The following ESYT3 variants were observed in gnomAD, a reference collection of about 807,000 sequenced individuals.
ESYT3 encodes the protein extended synaptotagmin-3.
ESYT3 carries 101 observed loss-of-function variants against 111.5 expected under a neutral mutation model. The observed-to-expected ratio is 0.91, with a 90% CI of 0.77 to 1.07. ESYT3 has a LOEUF of 1.07. Among genes scored for constraint, ESYT3 ranks in the 50% least tolerant of loss-of-function variants. The pLI, the probability that ESYT3 is intolerant of heterozygous loss-of-function variation, is 0.00. For missense variants in ESYT3, 1,097 were observed against 1,109.4 expected, an observed-to-expected ratio of 0.99 and a Z score of 0.16; for synonymous variants, 416 against 446.8, an observed-to-expected ratio of 0.93 and a Z score of 0.87.
intron 3 of ESYT3, among the ~76,000 whole-genome samples, chr3:138,456,177 T>A (rs2032266800): frequency 6.6e-6 from 1 of 152,252 alleles, no homozygotes; most frequent in Non-Finnish European, 1.5e-5. Context: ...TGTGCCAGCA[T>A]CTGTTGGTTC....
At chr3:138,470,574 G>A in intron 16 of ESYT3, 1 of 1,170,870 alleles carries the variant, frequency 8.5e-7, no homozygotes, top group Non-Finnish European at 1.1e-6. Context: ...GGATCTTTTA[G>A]GGCCCTGAGC....
downstream of ESYT3, chr3:138,479,981 G>A (rs1228167910): frequency 6.6e-6 from 1 of 152,156 alleles, no homozygotes; most frequent in Non-Finnish European, 1.5e-5. Context: ...TGTCTCCTAA[G>A]TATGTATTCA....
At chr3:138,459,326 A>G (rs1576447180) in intron 5 of ESYT3, 73 bp downstream of exon 5, 3 of 1,297,568 alleles carry the variant, frequency 2.3e-6, no homozygotes, top group East Asian at 2.5e-5. Context: ...AAGCCAGGTC[A>G]TGCCAGAGTA....
Position 138,472,746 on chromosome 3 carries a change from A to G in ESYT3, c.2124A>G (p.Lys708=). The stretch of plus-strand genomic sequence containing the variant: ...CCATCAAGTCACCCAGACCCATGAA[A>G]TGCCCTGCCTCCCCATTCGCATGGC... The part of the protein sequence containing the change: ...PGPIKSPRPM[K]CPASPFAWPP... The change falls in exon 18 of 23, where the codon AAA becomes AAG. Residue 708 remains lysine, a synonymous_variant. Transcript: ENST00000389567. 2 of 1,614,164 alleles carry G rather than the reference A, an allele frequency of 1.2e-6. No homozygotes were observed. The highest frequency in any genetic ancestry group is 2.2e-5 in the South Asian group (2 of 91,084).
chr3:138,459,247 G>T lies in ESYT3; in HGVS notation c.642G>T (p.Gly214=). The T allele has an allele frequency of 6.4e-7, 1 of 1,557,690 alleles. No homozygotes were observed. The highest frequency in any genetic ancestry group is 2.4e-5 in the East Asian group (1 of 42,278). The stretch of plus-strand genomic sequence containing the variant: ...AGAAGATTCAGGCTGGTGTGAACGG[G>T]ATCCAGGTGGGTGGAGCCCGGTGGG... The part of the protein sequence containing the change: ...ELQKIQAGVN[G]IQLQGTLRVI... Residue 214 remains glycine (G), a synonymous_variant, in exon 5 of 23, where the codon GGG becomes GGT. Transcript: ENST00000389567.
chr3:138,463,245 C>T (rs898417425), intron 8 of ESYT3, among the ~76,000 whole-genome samples: 2 of 152,134 alleles, frequency 1.3e-5, no homozygotes, highest in African/African-American at 4.8e-5. Context: ...CAGGGGCACA[C>T]CACCAAGCCT....
At position 138,447,241 on chromosome 3, in the gene ESYT3, A is replaced by G. The variant is rs16848129; in HGVS notation, c.328-4807A>G. Among the ~76,000 whole-genome samples, 849 of 152,334 alleles carry G rather than the reference A, an allele frequency of 5.6e-3. 8 individuals carry two copies. Among genetic ancestry groups the G allele is most frequent in the African/African-American group, 0.019 (809 of 41,570 alleles). On this transcript the variant is annotated intron_variant, in intron 1 of 22. Coordinates refer to ENST00000389567, the MANE Select transcript of ESYT3 (RefSeq NM_031913.5). ...GACATGATTAATAACCTGATCACACATGGAATAGTCATGGAAATTAATCAT... is the reference window on the plus strand; with the variant it reads ...GACATGATTAATAACCTGATCACACGTGGAATAGTCATGGAAATTAATCAT...
At chr3:138,438,836 G>C (rs1014864319) in intron 1 of ESYT3, among the ~76,000 whole-genome samples, 41 of 152,252 alleles carry the variant, frequency 2.7e-4, no homozygotes, top group African/African-American at 9.6e-4. Context: ...AGCCTTGAAG[G>C]AAGAACCTGT....
intron 19 of ESYT3, among the ~76,000 whole-genome samples, chr3:138,473,980 C>T (rs151098500): frequency 2.4e-4 from 36 of 152,314 alleles, no homozygotes; most frequent in African/African-American, 7.7e-4. Context: ...TATAAAGATG[C>T]GTGTTATCAA....
At position 138,435,436 on chromosome 3, in the gene ESYT3, C is replaced by G. The variant is rs77214151; in HGVS notation, c.327+311C>G. ...ACCACACCCGGGAGAAAAACAAGGG[C>G]GTCTGGGACTTCGCAGACTTACTCG... On this transcript the variant is annotated intron_variant, in intron 1 of 22. Coordinates refer to ENST00000389567, the MANE Select transcript of ESYT3 (RefSeq NM_031913.5). This position sits in a 1 kb window ranked among gnomAD's most constrained non-coding sequence, Gnocchi z 4.8. Among the ~76,000 whole-genome samples the G allele has an allele frequency of 1.3e-5, 2 of 152,342 alleles. No homozygotes were observed. Among genetic ancestry groups the G allele is most frequent in the Non-Finnish European group, 2.9e-5 (2 of 68,020 alleles).
At chr3:138,452,200 C>T (rs4678418) in intron 2 of ESYT3, 111 bp downstream of exon 2, 548,800 of 1,014,178 alleles carry the variant, frequency 0.54, 152,936 homozygotes, top group Admixed American at 0.68. Flanking sequence ...CCTTGCCTGA[C>T]GCGGGCAGGG....
Position 138,435,975 on chromosome 3 carries a change from A to C in ESYT3, c.327+850A>C, listed in dbSNP as rs1231429520. 6.6e-6 allele frequency among the ~76,000 whole-genome samples: 1 copy of C among 152,116 alleles called. No homozygotes were observed. Among genetic ancestry groups the C allele is most frequent in the East Asian group, 1.9e-4 (1 of 5,184 alleles). On this transcript the variant is annotated intron_variant, in intron 1 of 22. Transcript: ENST00000389567. The surrounding 1 kb of genome is among the most constrained non-coding windows in gnomAD (Gnocchi z 4.8). ...TCCGGTGCTGGGGCTCTTCGTTTTC[A>C]GATTTCTTCCAGTTACTCTCAGGCC...
chr3:138,441,827 C>T (rs77806959), intron 1 of ESYT3, among the ~76,000 whole-genome samples: 20 of 149,476 alleles, frequency 1.3e-4, no homozygotes, highest in African/African-American at 4.7e-4. Context: ...GACAAAGCAC[C>T]TTTTTTTTTT....
rs2032365273 is a variant in ESYT3, at chr3:138,457,586, G to A, written c.523G>A (p.Val175Ile). 1 of 1,614,062 alleles carries A rather than the reference G, an allele frequency of 6.2e-7. No homozygotes were observed. Among genetic ancestry groups the A allele is most frequent in the South Asian group, 1.1e-5 (1 of 91,088 alleles). ...CTTCCAGTGTCCCAGGGTCAACGGT[G>A]TCAAGGCACACACTAATACGTGCAA... The part of the protein sequence containing the change: ...FGQKCPRVNG[V>I]KAHTNTCNRR... Residue 175 changes from valine (V) to isoleucine (I), a missense_variant, in exon 4 of 23, where the codon GTC (valine) becomes ATC (isoleucine). Val to Ile is a conservative substitution (Grantham distance 29, BLOSUM62 3). Coordinates refer to ENST00000389567, the MANE Select transcript of ESYT3 (RefSeq NM_031913.5).
At chr3:138,464,081 A>C (rs1479141077) in intron 8 of ESYT3, among the ~76,000 whole-genome samples, 3 of 152,236 alleles carry the variant, frequency 2.0e-5, no homozygotes, top group African/African-American at 7.2e-5. Context: ...GCTGCAGTTG[A>C]ATAAGCCATT....
intron 1 of ESYT3, among the ~76,000 whole-genome samples, chr3:138,445,984 C>A (rs1445067739): frequency 1.3e-5 from 2 of 152,154 alleles, no homozygotes; most frequent in Non-Finnish European, 2.9e-5. Context: ...GGCTTAGGCT[C>A]AAATCATATG....
Position 138,473,563 on chromosome 3 carries a change from G to T in ESYT3, c.2265G>T (p.Leu755=), listed in dbSNP as rs1438157303. ...IEGGDLRRRQ[L]GEIQLTVRYV... is the part of the protein sequence containing the mutation. ...GTGGGGACCTCAGGCGACGGCAGCT[G>T]GGTGAGATTCAGCTCACAGTGCGCT... Residue 755 remains leucine, a synonymous_variant, in exon 19 of 23, where the codon CTG becomes CTT. Transcript: ENST00000389567. 6.2e-7 allele frequency: 1 copy of T among 1,613,778 alleles called. No individual in the cohort carries two copies. The highest frequency in any genetic ancestry group is 1.1e-5 in the South Asian group (1 of 91,074).
At chr3:138,470,434 G>A (rs76730557) in intron 16 of ESYT3, 46,366 of 1,137,418 alleles carry the variant, frequency 0.041, 1,088 homozygotes, top group South Asian at 0.091. Context: ...ATCTACACAG[G>A]ACATTAATAA....
At chr3:138,474,672 T>C (rs1020331581) in intron 20 of ESYT3, 1 of 185,632 alleles carries the variant, frequency 5.4e-6, no homozygotes, top group African/African-American at 2.3e-5. Context: ...TTTGATCTGT[T>C]TTAATTCCAG....
Sources: gnomAD v4.1 joint callset for allele counts (sites outside exome capture counted in the v4.1 genomes callset) on GRCh38, gnomAD v4.1.1 for gene constraint, Gnocchi (gnomAD v3.1) non-coding constraint, MANE v1.5 for transcripts, NCBI Gene and HGNC (gene_info 2026-07-23, HGNC 2026-07-21) for gene names.